The following SPECC1 variants were observed in gnomAD, a reference collection of about 807,000 sequenced individuals.
The protein encoded by SPECC1 is cytospin-B.
Under a neutral mutation model 104.1 loss-of-function variants are expected in SPECC1, and 62 were observed. The observed-to-expected ratio is 0.60, with a 90% confidence interval of 0.49 to 0.74. The LOEUF (loss-of-function observed/expected upper bound fraction) is 0.74. SPECC1 is among the 30% of genes least tolerant of loss of function. SPECC1 has a pLI of 0.00. For missense variants in SPECC1, 1,306 were observed against 1,310.5 expected (o/e 1.00, Z 0.05); for synonymous variants, 513 against 501.6 (o/e 1.02, Z -0.30).
At chr17:20,156,166 G>T (rs1409568079) in intron 3 of SPECC1, 2 of 1,438,088 alleles carry the variant, frequency 1.4e-6, no homozygotes, top group Admixed American at 5.9e-5. Flanking sequence ...TCCGAGGCCG[G>T]CAAGCCGGCT....
intron 3 of SPECC1, among the ~76,000 whole-genome samples, chr17:20,191,487 C>CTTTTTTTTTT: frequency 7.8e-6 from 1 of 128,396 alleles, no homozygotes; most frequent in Non-Finnish European, 1.7e-5. Context: ...TGTGGAGCAG[C>CTTTTTTTTTT]TTTTTTTTTT....
Position 20,076,642 on chromosome 17 carries a change from T to C in SPECC1, c.-21-19989T>C, listed in dbSNP as rs1038183013. ...TATAAGTAATAGATTAGTAACCGTC[T>C]TTGTCCATGGAACTTTCCTTATGTT... On this transcript the variant is annotated intron_variant, in intron 1 of 14. Transcript: ENST00000395527. 1.3e-5 allele frequency among the ~76,000 whole-genome samples: 2 copies of C among 152,276 alleles called. 1 individual carries two copies. The highest frequency in any genetic ancestry group is 2.9e-5 in the Non-Finnish European group (2 of 68,046).
rs74700491 is a variant in SPECC1 at position 20,307,751 on chromosome 17, A to G, written c.3117+1669A>G. ...AGAGGGAATTCCAGATGAAAAGGAT[A>G]GAAAGAATGGAATGGAGACAGTATT... On this transcript the variant is annotated intron_variant, in intron 14 of 14. Coordinates refer to ENST00000395527, the MANE Select transcript of SPECC1 (RefSeq NM_001243439.2). Among the ~76,000 whole-genome samples the G allele has an allele frequency of 3.3e-3, 498 of 152,322 alleles. 24 individuals carry two copies. The East Asian group carries it at 0.093, about 28-fold the overall frequency.
At chr17:20,164,511 C>T (rs1255051844) in intron 3 of SPECC1, among the ~76,000 whole-genome samples, 1 of 151,978 alleles carries the variant, frequency 6.6e-6, no homozygotes. Context: ...TTTTAATAAA[C>T]AGAGATCTCT....
intron 1 of SPECC1, among the ~76,000 whole-genome samples, chr17:20,010,702 C>G (rs1415007001): frequency 6.6e-6 from 1 of 152,160 alleles, no homozygotes; most frequent in Non-Finnish European, 1.5e-5. Context: ...CATGTTTTTA[C>G]TTTTTTCCTT....
chr17:20,107,144 C>CAAAAAAAAAAAAAAAAAAAAAAAAAAA (rs531912350), intron 2 of SPECC1, among the ~76,000 whole-genome samples: 2 of 68,192 alleles, frequency 2.9e-5, no homozygotes, highest in Admixed American at 1.8e-4. Flanking sequence ...ACTCGTGTCT[C>CAAAAAAAAAAAAAAAAAAAAAAAAAAA]AAAAAAAAAA....
chr17:20,282,828 A>G (rs2040820137), intron 12 of SPECC1, among the ~76,000 whole-genome samples: 1 of 152,196 alleles, frequency 6.6e-6, no homozygotes, highest in Non-Finnish European at 1.5e-5. Flanking sequence ...GATAAGTAGA[A>G]GTTGTCAGAT....
chr17:20,164,463 T>C (rs2033468067), intron 3 of SPECC1, among the ~76,000 whole-genome samples: 1 of 152,032 alleles, frequency 6.6e-6, no homozygotes, highest in Non-Finnish European at 1.5e-5. Flanking sequence ...TGGCCCCATA[T>C]AATTTTTGGG....
intron 14 of SPECC1, among the ~76,000 whole-genome samples, chr17:20,308,345 C>T (rs984665308): frequency 1.6e-5 from 2 of 125,370 alleles, no homozygotes; most frequent in African/African-American, 6.5e-5. Context: ...GCCAAGATTG[C>T]ACCATTGCAC....
intron 3 of SPECC1, among the ~76,000 whole-genome samples, chr17:20,149,370 A>G (rs2031770234): frequency 6.6e-6 from 1 of 152,128 alleles, no homozygotes; most frequent in Non-Finnish European, 1.5e-5. Context: ...CTGCCACCCT[A>G]ATTGGTAAGA....
intron 3 of SPECC1, among the ~76,000 whole-genome samples, chr17:20,195,646 C>T (rs2035982945): frequency 1.3e-5 from 2 of 151,716 alleles, no homozygotes; most frequent in African/African-American, 4.8e-5. Flanking sequence ...CAACCTCTGC[C>T]TCCCGGGTTC....
At chr17:20,293,962 A>T (rs2041255060) in intron 12 of SPECC1, among the ~76,000 whole-genome samples, 1 of 152,082 alleles carries the variant, frequency 6.6e-6, no homozygotes, top group Admixed American at 6.6e-5. Context: ...CACCATCTCG[A>T]TGGGCAGGGA....
chr17:20,081,158 C>T (rs548195324), intron 1 of SPECC1, among the ~76,000 whole-genome samples: 1 of 152,164 alleles, frequency 6.6e-6, no homozygotes, highest in South Asian at 2.1e-4. Context: ...TTTTTAGTAG[C>T]ATTTTCCCAA....
intron 3 of SPECC1, among the ~76,000 whole-genome samples, chr17:20,146,077 T>C (rs1488855606): frequency 6.6e-6 from 1 of 152,200 alleles, no homozygotes; most frequent in African/African-American, 2.4e-5. Flanking sequence ...TACATTGTTA[T>C]TAACTAAAGT....
intron 3 of SPECC1, among the ~76,000 whole-genome samples, chr17:20,159,024 C>G (rs1281807004): frequency 5.3e-5 from 8 of 151,002 alleles, no homozygotes; most frequent in African/African-American, 1.9e-4. Context: ...GTGGTGTGAT[C>G]TTGGCTCACT....
At chr17:20,076,131 T>C (rs985589028) in intron 1 of SPECC1, among the ~76,000 whole-genome samples, 2 of 152,178 alleles carry the variant, frequency 1.3e-5, no homozygotes, top group Admixed American at 1.3e-4. Context: ...AAATTATATA[T>C]TTCTTTCTAC....
intron 11 of SPECC1, among the ~76,000 whole-genome samples, chr17:20,259,982 A>C (rs1192931646): frequency 6.6e-6 from 1 of 152,252 alleles, no homozygotes; most frequent in Non-Finnish European, 1.5e-5. Context: ...ACTCTCCCCA[A>C]ATTTATGATA....
At chr17:20,022,102 T>C (rs1567797855) in intron 1 of SPECC1, among the ~76,000 whole-genome samples, 1 of 151,530 alleles carries the variant, frequency 6.6e-6, no homozygotes, top group African/African-American at 2.4e-5. Context: ...CCACTACGCC[T>C]GGCTAATTTT....
At chr17:20,169,937 C>T (rs1363802579) in intron 3 of SPECC1, among the ~76,000 whole-genome samples, 1 of 152,182 alleles carries the variant, frequency 6.6e-6, no homozygotes, top group Non-Finnish European at 1.5e-5. Context: ...TATATGGCTC[C>T]AATCAGATCA....
Sources: gnomAD v4.1 joint callset for allele counts (sites outside exome capture counted in the v4.1 genomes callset) on GRCh38, gnomAD v4.1.1 for gene constraint, MANE v1.5 for transcripts, NCBI Gene and HGNC (gene_info 2026-07-23, HGNC 2026-07-21) for gene names.